Variants in MAPKAP1 observed in about 807,000 individuals in gnomAD.
MAPKAP1 encodes target of rapamycin complex 2 subunit MAPKAP1.
In MAPKAP1, 20 loss-of-function variants were observed where a neutral mutation model predicts 65.7. The observed-to-expected ratio is 0.30, with a 90% CI of 0.21 to 0.44. The LOEUF is 0.44. Among genes scored for constraint, MAPKAP1 ranks in the 20% least tolerant of loss-of-function variants. The pLI, the probability that MAPKAP1 is intolerant of heterozygous loss-of-function variation, is 1.00. For synonymous variants in MAPKAP1, 222 were observed against 244.3 expected, an observed-to-expected ratio of 0.91 and a Z score of 0.85; for missense variants, 423 against 648.0, an observed-to-expected ratio of 0.65 and a Z score of 3.77.
intron 7 of MAPKAP1, among the ~76,000 whole-genome samples, chr9:125,526,834 G>A (rs1221100616): frequency 6.7e-6 from 1 of 148,994 alleles, no homozygotes; most frequent in African/African-American, 2.5e-5. Flanking sequence ...GGAGTGCAGT[G>A]GTGCAATCTC....
intron 4 of MAPKAP1, among the ~76,000 whole-genome samples, chr9:125,618,032 G>T (rs1282176578): frequency 6.6e-6 from 1 of 151,940 alleles, no homozygotes; most frequent in Non-Finnish European, 1.5e-5. Flanking sequence ...CTCATGAGAA[G>T]CTTCATAACT....
At chr9:125,688,979 C>G (rs886325771) in intron 1 of MAPKAP1, among the ~76,000 whole-genome samples, 1 of 152,154 alleles carries the variant, frequency 6.6e-6, no homozygotes, top group Non-Finnish European at 1.5e-5. Flanking sequence ...TCCTTACACA[C>G]AAGTCTAGGT....
chr9:125,632,340 A>G (rs184884116), intron 4 of MAPKAP1, among the ~76,000 whole-genome samples: 2 of 152,272 alleles, frequency 1.3e-5, no homozygotes, highest in African/African-American at 2.4e-5. Context: ...TAAATTAGGG[A>G]CTATCTCATT....
intron 4 of MAPKAP1, among the ~76,000 whole-genome samples, chr9:125,629,264 G>A (rs971369231): frequency 4.6e-5 from 7 of 152,172 alleles, no homozygotes; most frequent in Admixed American, 4.6e-4. Context: ...CAAAAGAACT[G>A]AAAACAGATA....
intron 5 of MAPKAP1, chr9:125,565,319 C>T (rs905427735): frequency 2.6e-5 from 4 of 154,470 alleles, no homozygotes; most frequent in African/African-American, 9.7e-5. Flanking sequence ...AGGAGCATTC[C>T]AGGAGGCATC....
chr9:125,520,136 T>C (rs1043387252), intron 7 of MAPKAP1, among the ~76,000 whole-genome samples: 7 of 152,218 alleles, frequency 4.6e-5, no homozygotes, highest in African/African-American at 1.7e-4. Flanking sequence ...TGCATTACTT[T>C]CCCATCTGTA....
At chr9:125,603,071 T>C (rs1012433426) in intron 4 of MAPKAP1, among the ~76,000 whole-genome samples, 4 of 151,068 alleles carry the variant, frequency 2.6e-5, no homozygotes, top group African/African-American at 9.8e-5. Context: ...TCTTTCTTTC[T>C]TTCTTTCTTT....
chr9:125,506,731 G>A (rs758495693), intron 7 of MAPKAP1, among the ~76,000 whole-genome samples: 2 of 152,166 alleles, frequency 1.3e-5, no homozygotes, highest in African/African-American at 2.4e-5. Flanking sequence ...CTGAACCTCC[G>A]TTTCCTAATA....
intron 3 of MAPKAP1, among the ~76,000 whole-genome samples, chr9:125,660,994 G>A (rs1228433605): frequency 6.6e-6 from 1 of 152,014 alleles, no homozygotes; most frequent in African/African-American, 2.4e-5. Flanking sequence ...AAAGAATAAA[G>A]GTCAATATTC....
chr9:125,612,405 GT>G (rs370666326), intron 4 of MAPKAP1, among the ~76,000 whole-genome samples: 15 of 151,568 alleles, frequency 9.9e-5, no homozygotes, highest in African/African-American at 2.9e-4. Context: ...AATTCTTTTA[GT>G]TTTTTTTTAA....
intron 4 of MAPKAP1, among the ~76,000 whole-genome samples, chr9:125,614,682 A>G (rs117077277): frequency 2.6e-5 from 4 of 152,354 alleles, no homozygotes; most frequent in Non-Finnish European, 5.9e-5. Flanking sequence ...ATCATATGGT[A>G]GTATAGGTAA....
At chr9:125,660,871 T>C (rs1301486652) in intron 3 of MAPKAP1, among the ~76,000 whole-genome samples, 1 of 152,178 alleles carries the variant, frequency 6.6e-6, no homozygotes, top group South Asian at 2.1e-4. Flanking sequence ...TATGAGTCTT[T>C]TGAAATACAA....
intron 5 of MAPKAP1, among the ~76,000 whole-genome samples, chr9:125,563,115 A>G (rs886781983): frequency 2.0e-5 from 3 of 152,250 alleles, no homozygotes; most frequent in Non-Finnish European, 4.4e-5. Context: ...TCACCCAATT[A>G]AACAGAGGCA....
intron 8 of MAPKAP1, among the ~76,000 whole-genome samples, chr9:125,495,301 G>A (rs1854903006): frequency 2.0e-5 from 3 of 152,310 alleles, no homozygotes; most frequent in South Asian, 4.1e-4. Context: ...CTGCAGAAAT[G>A]TCACCTGATG....
rs58127214 is a variant in MAPKAP1 at position 125,529,503 on chromosome 9, CAA to C, written c.958+13554_958+13555del. On this transcript the variant is annotated intron_variant, in intron 7 of 11. Coordinates refer to ENST00000265960, the MANE Select transcript of MAPKAP1 (RefSeq NM_001006617.3). ...TGTTCTGCTATTAAAAGTAGTGTGC[CAA>C]AAAAAAAAAAGAAAAGAAAAAAAAA... Among the ~76,000 whole-genome samples, 90 of 137,216 alleles carry C rather than the reference CAA, an allele frequency of 6.6e-4. 1 individual carries two copies. Among genetic ancestry groups the C allele is most frequent in the Admixed American group, 6.5e-4 (9 of 13,862 alleles). The allele number at this position is 137,216 out of a possible 152,430, so 90.0% of individuals were successfully genotyped here. A position where few individuals can be genotyped will look rare whatever the true frequency, so the allele number is the denominator to read the frequency against.
At chr9:125,556,875 C>T (rs191813213) in intron 6 of MAPKAP1, among the ~76,000 whole-genome samples, 1 of 152,256 alleles carries the variant, frequency 6.6e-6, no homozygotes, top group East Asian at 1.9e-4. Flanking sequence ...GGCAAACGGT[C>T]AGTAATCTGT....
intron 6 of MAPKAP1, among the ~76,000 whole-genome samples, chr9:125,545,596 G>T (rs956628510): frequency 2.6e-5 from 4 of 152,132 alleles, no homozygotes; most frequent in Non-Finnish European, 4.4e-5. Flanking sequence ...AACTGCTTAC[G>T]TTCCCTCCTA....
intron 9 of MAPKAP1, among the ~76,000 whole-genome samples, chr9:125,477,586 T>G (rs1425173023): frequency 6.6e-6 from 1 of 152,178 alleles, no homozygotes; most frequent in African/African-American, 2.4e-5. Flanking sequence ...GTGTTCACTG[T>G]GGGGATGTCT....
chr9:125,639,168 G>C (rs1833507650), intron 4 of MAPKAP1, among the ~76,000 whole-genome samples: 1 of 152,162 alleles, frequency 6.6e-6, no homozygotes, highest in Non-Finnish European at 1.5e-5. Flanking sequence ...TTGAACCCAG[G>C]AGGCGGAGGC....
Sources: gnomAD v4.1 joint callset for allele counts (sites outside exome capture counted in the v4.1 genomes callset) on GRCh38, gnomAD v4.1.1 for gene constraint, MANE v1.5 for transcripts, NCBI Gene and HGNC (gene_info 2026-07-23, HGNC 2026-07-21) for gene names.